The following MTCH1 variants were observed in gnomAD, a reference collection of about 807,000 sequenced individuals.
MTCH1 encodes the protein mitochondrial carrier homolog 1.
MTCH1 carries 23 observed loss-of-function variants against 49.3 expected under a neutral mutation model. That is an observed-to-expected ratio of 0.47 (90% CI 0.34 to 0.66). The LOEUF (loss-of-function observed/expected upper bound fraction) is 0.66. MTCH1 is among the 30% of genes least tolerant of loss of function. The pLI is 0.01. For synonymous variants in MTCH1, 229 were observed against 215.2 expected, an observed-to-expected ratio of 1.06 and a Z score of -0.56; for missense variants, 397 against 532.1, an observed-to-expected ratio of 0.75 and a Z score of 2.50.
chr6:36,973,414 G>A (rs779118909), intron 7 of MTCH1, among the ~76,000 whole-genome samples: 10 of 152,070 alleles, frequency 6.6e-5, no homozygotes, highest in Non-Finnish European at 1.2e-4. Context: ...TAGGTACAGA[G>A]TGCCCTGGGA....
In MTCH1 at chr6:36,977,332, G is replaced by GAGTGGCCACGTTGTTC; in HGVS notation, c.650-83_650-82insGAACAACGTGGCCACT. 4 of 1,467,710 alleles carry GAGTGGCCACGTTGTTC rather than the reference G, an allele frequency of 2.7e-6. No individual in the cohort carries two copies. Among genetic ancestry groups the GAGTGGCCACGTTGTTC allele is most frequent in the Non-Finnish European group, 3.8e-6 (4 of 1,053,722 alleles). The allele number at this position is 1,467,710 out of a possible 1,614,324, so 90.9% of individuals were successfully genotyped here. On this transcript the variant is annotated intron_variant, in intron 5 of 11. Transcript: ENST00000373627. This position sits in a 1 kb window ranked among gnomAD's most constrained non-coding sequence, Gnocchi z 5.4. ...CTCCAGCCACCGGGTGCCAGGTGCA[G>GAGTGGCCACGTTGTTC]AGTGGCCACTGAACAACGTGGCCTA...
chr6:36,986,276 G>T, upstream of MTCH1: 1 of 1,113,910 alleles, frequency 9.0e-7, no homozygotes, highest in Non-Finnish European at 1.2e-6. Context: ...CCGCGGGGGA[G>T]CTCGGGAGCG....
Position 36,977,928 on chromosome 6 carries a change from A to G in MTCH1, c.591+150T>C, listed in dbSNP as rs1763950673. Reference sequence around the variant, plus strand: ...GAAGGCTTTCCGGGGTTCCCGGCACATCCAGGCCAGGGCTTCTTCCCTTAC... The same window carrying G: ...GAAGGCTTTCCGGGGTTCCCGGCACGTCCAGGCCAGGGCTTCTTCCCTTAC... On this transcript the variant is annotated intron_variant, in intron 4 of 11. Coordinates refer to ENST00000373627, the MANE Select transcript of MTCH1 (RefSeq NM_001271641.2). This position sits in a 1 kb window ranked among gnomAD's most constrained non-coding sequence, Gnocchi z 5.4. The G allele has an allele frequency of 1.8e-5, 15 of 831,262 alleles. No homozygotes were observed. The highest frequency in any genetic ancestry group is 2.6e-5 in the Non-Finnish European group (13 of 505,952). The allele number at this position is 831,262 out of a possible 1,614,324, so 51.5% of individuals were successfully genotyped here. A position where few individuals can be genotyped will look rare whatever the true frequency, so the allele number is the denominator to read the frequency against.
chr6:36,973,555 A>C (rs1763755595), intron 7 of MTCH1, among the ~76,000 whole-genome samples: 1 of 152,232 alleles, frequency 6.6e-6, no homozygotes, highest in Admixed American at 6.5e-5. Context: ...GAGTATTAAT[A>C]AAAGGAACCT....
intron 1 of MTCH1, among the ~76,000 whole-genome samples, chr6:36,983,434 T>G (rs726819): frequency 0.14 from 21,999 of 152,228 alleles, 1,808 homozygotes; most frequent in Admixed American, 0.21. Flanking sequence ...TGACCCCAAT[T>G]TCATACTTAA....
intron 9 of MTCH1, 41 bp from the exon 10 acceptor site, chr6:36,970,514 GC>G (rs756610809): frequency 7.4e-6 from 12 of 1,611,472 alleles, no homozygotes; most frequent in Non-Finnish European, 5.1e-6. Flanking sequence ...ACCCACCCCG[GC>G]CCAGGGAGCA....
chr6:36,978,215 G>T, intron 3 of MTCH1, 60 bp from the exon 4 acceptor site: 3 of 1,432,626 alleles, frequency 2.1e-6, no homozygotes, highest in Non-Finnish European at 3.0e-6. Context: ...AACTCTTCGG[G>T]GACTTGGGCG....
At chr6:36,979,569 T>C (rs1764016540) in intron 2 of MTCH1, among the ~76,000 whole-genome samples, 1 of 152,158 alleles carries the variant, frequency 6.6e-6, no homozygotes, top group African/African-American at 2.4e-5. Context: ...AGCAATTCAA[T>C]GTCACAGCTA....
At chr6:36,978,731 G>A (rs1483340879) in intron 2 of MTCH1, 120 bp from the exon 3 acceptor site, 2 of 784,148 alleles carry the variant, frequency 2.6e-6, no homozygotes, top group Non-Finnish European at 2.1e-6. Flanking sequence ...TACAGGCACA[G>A]AAGGTAACAT....
intron 6 of MTCH1, 134 bp from the exon 7 acceptor site, chr6:36,975,851 AT>A: frequency 1.4e-6 from 1 of 726,852 alleles, no homozygotes; most frequent in South Asian, 1.6e-5. Context: ...GACTATTACC[AT>A]GAAGAACCAA....
At chr6:36,986,279 CG>C (rs1437771086), upstream of MTCH1, 1 of 1,103,956 alleles carries the variant, frequency 9.1e-7, no homozygotes, top group Non-Finnish European at 1.2e-6. Context: ...CGGGGGAGCT[CG>C]GGAGCGTGGT....
chr6:36,969,482 G>C (rs1350941141), intron 11 of MTCH1: 10 of 1,082,128 alleles, frequency 9.2e-6, no homozygotes, highest in African/African-American at 5.0e-5. Context: ...ACCCCTGACT[G>C]CTGGGCCCAA....
chr6:36,978,148 G>A lies in MTCH1; in HGVS notation c.521C>T (p.Pro174Leu), dbSNP rs1291393810. 2 of 1,612,602 alleles carry A rather than the reference G, an allele frequency of 1.2e-6. No homozygotes were observed. Among genetic ancestry groups the A allele is most frequent in the Non-Finnish European group, 1.7e-6 (2 of 1,178,642 alleles). Residue 174 changes from proline (P) to leucine (L), a missense_variant, in exon 4 of 12, where the codon CCT (proline) becomes CTT (leucine). Coordinates refer to ENST00000373627, the MANE Select transcript of MTCH1 (RefSeq NM_001271641.2). ...VTRGSMKKVF[P>L]PDEIEQVSNK... is the part of the protein sequence containing the mutation. ...GGAAACCTGCTCAATCTCATCTGGA[G>A]GGAAAACCTGAAACAGAGAAGGGAA... is the stretch of plus-strand genomic sequence containing the variant.
intron 11 of MTCH1, 94 bp downstream of exon 11, chr6:36,969,945 T>C (rs1763615694): frequency 1.9e-6 from 3 of 1,561,422 alleles, no homozygotes; most frequent in Non-Finnish European, 2.6e-6. Flanking sequence ...TGAAACCACT[T>C]ATCTTTGCAT....
chr6:36,977,384 C>T lies in MTCH1; in HGVS notation c.650-134G>A. The T allele has an allele frequency of 1.1e-6, 1 of 903,506 alleles. No homozygotes were observed. The highest frequency in any genetic ancestry group is 1.7e-6 in the Non-Finnish European group (1 of 574,988). 56.0% of individuals were successfully genotyped at this position (903,506 alleles called of 1,614,324 possible). A position where few individuals can be genotyped will look rare whatever the true frequency, so the allele number is the denominator to read the frequency against. On this transcript the variant is annotated intron_variant, in intron 5 of 11. Coordinates refer to ENST00000373627, the MANE Select transcript of MTCH1 (RefSeq NM_001271641.2). This position sits in a 1 kb window ranked among gnomAD's most constrained non-coding sequence, Gnocchi z 5.4. ...TCAGAGAGCAGGAGAGGAAGAGGGC[C>T]TTTCGGATTCCCTGTTACACCCCAT...
intron 7 of MTCH1, among the ~76,000 whole-genome samples, chr6:36,973,367 T>C (rs1385306060): frequency 6.6e-6 from 1 of 152,150 alleles, no homozygotes; most frequent in Non-Finnish European, 1.5e-5. Context: ...GTGAGTCCCA[T>C]GTGCCTCTTG....
chr6:36,972,872 G>A lies in MTCH1; in HGVS notation c.762-76C>T. The A allele has an allele frequency of 2.1e-6, 3 of 1,420,944 alleles. No homozygotes were observed. Among genetic ancestry groups the A allele is most frequent in the Non-Finnish European group, 1.9e-6 (2 of 1,044,842 alleles). The allele number at this position is 1,420,944 out of a possible 1,614,324, so 88.0% of individuals were successfully genotyped here. A position where few individuals can be genotyped will look rare whatever the true frequency, so the allele number is the denominator to read the frequency against. ...CTGGGGGCTCCACACCCAGGAAGCA[G>A]GCAGGGATGTTCCGAGCTCAAAATC... On this transcript the variant is annotated intron_variant, in intron 7 of 11. Transcript: ENST00000373627. This position sits in a 1 kb window ranked among gnomAD's most constrained non-coding sequence, Gnocchi z 4.1.
Position 36,968,370 on chromosome 6 carries a change from CAT to C in MTCH1, c.*531_*532del, listed in dbSNP as rs1763552522. On this transcript the variant is annotated 3_prime_UTR_variant, in exon 12 of 12. Coordinates refer to ENST00000373627, the MANE Select transcript of MTCH1 (RefSeq NM_001271641.2). Reference sequence around the variant, plus strand: ...CCCATTCAGAGGCAGGTGCTGCCCTCATATCAGAAAAGTAGTGTTGAGAAAAA... The same window carrying C: ...CCCATTCAGAGGCAGGTGCTGCCCTCATCAGAAAAGTAGTGTTGAGAAAAA... The C allele has an allele frequency of 3.8e-6, 1 of 260,114 alleles. No homozygotes were observed. Among genetic ancestry groups the C allele is most frequent in the African/African-American group, 2.2e-5 (1 of 44,778 alleles). 16.1% of individuals were successfully genotyped at this position (260,114 alleles called of 1,614,324 possible).
chr6:36,983,484 T>C (rs1764180381), intron 1 of MTCH1, among the ~76,000 whole-genome samples: 1 of 152,222 alleles, frequency 6.6e-6, no homozygotes, highest in South Asian at 2.1e-4. Context: ...CTCCCAAATC[T>C]GTTGAATCTA....
Sources: allele counts gnomAD v4.1 joint callset (sites outside exome capture counted in the v4.1 genomes callset), GRCh38; gene constraint gnomAD v4.1.1; non-coding constraint Gnocchi (gnomAD v3.1); transcripts MANE v1.5; gene names NCBI Gene and HGNC (gene_info 2026-07-23, HGNC 2026-07-21).